The following CNTN4 variants were observed in gnomAD, a reference collection of about 807,000 sequenced individuals.
The protein encoded by CNTN4 is contactin-4.
Under a neutral mutation model 122.5 loss-of-function variants are expected in CNTN4, and 77 were observed. The observed-to-expected ratio is 0.63, with a 90% CI of 0.52 to 0.76. CNTN4 has a LOEUF of 0.76. Among genes scored for constraint, CNTN4 ranks in the 30% least tolerant of loss-of-function variants. The pLI, the probability that CNTN4 is intolerant of heterozygous loss-of-function variation, is 0.00. For synonymous variants in CNTN4, 512 were observed against 447.0 expected (o/e 1.15, Z -1.83); for missense variants, 1,256 against 1,259.1 (o/e 1.00, Z 0.04).
chr3:2,352,282 C>G (rs2044658828), intron 3 of CNTN4, among the ~76,000 whole-genome samples: 1 of 152,152 alleles, frequency 6.6e-6, no homozygotes, highest in Non-Finnish European at 1.5e-5. Context: ...GCCAAGGCGT[C>G]CACTCTGGCC....
intron 13 of CNTN4, among the ~76,000 whole-genome samples, chr3:2,926,217 G>A (rs1427898292): frequency 6.6e-6 from 1 of 152,076 alleles, no homozygotes; most frequent in African/African-American, 2.4e-5. Flanking sequence ...TTTTGAGGCT[G>A]TCTCAAAACT....
At chr3:2,778,128 G>A (rs2091412871) in intron 6 of CNTN4, among the ~76,000 whole-genome samples, 2 of 140,376 alleles carry the variant, frequency 1.4e-5, no homozygotes, top group Non-Finnish European at 3.1e-5. Flanking sequence ...GCAGGAGAAT[G>A]GCGGGAACCC....
intron 12 of CNTN4, among the ~76,000 whole-genome samples, chr3:2,906,391 A>T (rs2094232590): frequency 6.6e-6 from 1 of 152,222 alleles, no homozygotes; most frequent in African/African-American, 2.4e-5. Context: ...AACTAGCTGG[A>T]TTTAATCATT....
chr3:2,594,254 T>C (rs1396218827), intron 4 of CNTN4, among the ~76,000 whole-genome samples: 2 of 152,100 alleles, frequency 1.3e-5, no homozygotes, highest in African/African-American at 4.8e-5. Context: ...ATTTGAAATG[T>C]TACTGATTAA....
chr3:2,251,002 T>A (rs2040356378), intron 2 of CNTN4, among the ~76,000 whole-genome samples: 1 of 151,890 alleles, frequency 6.6e-6, no homozygotes, highest in Non-Finnish European at 1.5e-5. Context: ...AATGCTAATA[T>A]TATATTGTCA....
At chr3:2,652,310 A>G (rs2083398864) in intron 4 of CNTN4, among the ~76,000 whole-genome samples, 1 of 152,144 alleles carries the variant, frequency 6.6e-6, no homozygotes, top group Non-Finnish European at 1.5e-5. Context: ...CACTTACAAA[A>G]CAGATACTTA....
At chr3:2,405,377 G>A (rs1324662390) in intron 3 of CNTN4, among the ~76,000 whole-genome samples, 3 of 152,044 alleles carry the variant, frequency 2.0e-5, no homozygotes, top group Non-Finnish European at 2.9e-5. Flanking sequence ...CAAATCTGGG[G>A]TAGCTATAGT....
intron 7 of CNTN4, among the ~76,000 whole-genome samples, chr3:2,837,278 C>T (rs772177296): frequency 1.5e-4 from 23 of 152,166 alleles, no homozygotes; most frequent in Non-Finnish European, 8.8e-5. Flanking sequence ...TACATGGACA[C>T]ATTGGTCTCC....
intron 3 of CNTN4, among the ~76,000 whole-genome samples, chr3:2,392,717 A>G (rs2046486296): frequency 6.6e-6 from 1 of 152,194 alleles, no homozygotes; most frequent in Admixed American, 6.5e-5. Flanking sequence ...ATGTTGTGCA[A>G]TAGAACACAA....
intron 4 of CNTN4, among the ~76,000 whole-genome samples, chr3:2,632,042 C>A (rs2082462824): frequency 1.3e-5 from 2 of 150,142 alleles, no homozygotes; most frequent in Admixed American, 6.7e-5. Flanking sequence ...CAGAGCAAGA[C>A]CCTGTCTCAA....
chr3:2,136,430 G>C (rs909890656), intron 2 of CNTN4, among the ~76,000 whole-genome samples: 5 of 152,150 alleles, frequency 3.3e-5, no homozygotes, highest in Non-Finnish European at 5.9e-5. Context: ...ATTAGTAAGT[G>C]ATATAGCCAA....
chr3:2,616,884 A>G (rs1034175378), intron 4 of CNTN4, among the ~76,000 whole-genome samples: 13 of 152,158 alleles, frequency 8.5e-5, no homozygotes, highest in African/African-American at 1.7e-4. Context: ...AAAACAAGCA[A>G]TGGGGAAAGG....
rs1438772841 is a variant in CNTN4, at chr3:2,925,521, G to C, written c.1208-108G>C. The C allele has an allele frequency of 3.2e-6, 4 of 1,234,938 alleles. No individual in the cohort carries two copies. The South Asian group carries it at 5.5e-5, about 17-fold the overall frequency. 76.5% of individuals were successfully genotyped at this position (1,234,938 alleles called of 1,614,324 possible). On this transcript the variant is annotated intron_variant, in intron 12 of 24. Transcript: ENST00000418658. ...TGAGCCAAGATTGCACCACTGCACT[G>C]GCAACAGAGCAAGACTCTGTCTCAA...
chr3:2,109,042 T>C (rs2125122381), intron 2 of CNTN4, among the ~76,000 whole-genome samples: 1 of 152,308 alleles, frequency 6.6e-6, no homozygotes, highest in Non-Finnish European at 1.5e-5. Context: ...GATTAGGAAA[T>C]ATTTTCGATA....
intron 3 of CNTN4, among the ~76,000 whole-genome samples, chr3:2,485,763 T>G (rs2151623007): frequency 6.6e-6 from 1 of 152,336 alleles, no homozygotes; most frequent in South Asian, 2.1e-4. Flanking sequence ...ATCAGTGCTC[T>G]GTGTCTAGCT....
chr3:2,549,047 G>T (rs1377633873), intron 3 of CNTN4, among the ~76,000 whole-genome samples: 2 of 152,150 alleles, frequency 1.3e-5, no homozygotes, highest in Non-Finnish European at 2.9e-5. Context: ...CTTTGCTGAA[G>T]TTGCTGATCA....
At chr3:2,420,925 T>G (rs553569078) in intron 3 of CNTN4, among the ~76,000 whole-genome samples, 1 of 152,332 alleles carries the variant, frequency 6.6e-6, no homozygotes, top group Non-Finnish European at 1.5e-5. Flanking sequence ...AAGAATGTAC[T>G]TCACGTTTTG....
At chr3:2,178,107 C>G (rs1315990126) in intron 2 of CNTN4, among the ~76,000 whole-genome samples, 3 of 152,022 alleles carry the variant, frequency 2.0e-5, no homozygotes, top group African/African-American at 7.2e-5. Context: ...GCAGGATGCA[C>G]TGCTTTCATA....
chr3:2,104,109 C>T (rs76804342), intron 2 of CNTN4, among the ~76,000 whole-genome samples: 2,187 of 152,050 alleles, frequency 0.014, 59 homozygotes, highest in African/African-American at 0.049. Context: ...CATTTCTTTC[C>T]CAGAAGCCCC....
Sources: gnomAD v4.1 joint callset for allele counts (sites outside exome capture counted in the v4.1 genomes callset) on GRCh38, gnomAD v4.1.1 for gene constraint, MANE v1.5 for transcripts, NCBI Gene and HGNC (gene_info 2026-07-23, HGNC 2026-07-21) for gene names.